Variants in HPSE2 observed in about 807,000 individuals in gnomAD.
The protein encoded by HPSE2 is heparanase 2 (inactive).
A neutral mutation model predicts 60.5 loss-of-function variants in HPSE2; 38 were observed. The ratio of observed to expected loss-of-function variants is 0.63; its 90% CI spans 0.48 to 0.82. HPSE2 has a LOEUF of 0.82. HPSE2 is among the 40% of genes least tolerant of loss of function. The pLI, the probability that HPSE2 is intolerant of heterozygous loss-of-function variation, is 0.00. For missense variants in HPSE2, 713 were observed against 740.4 expected, an observed-to-expected ratio of 0.96 and a Z score of 0.43; for synonymous variants, 295 against 293.2, an observed-to-expected ratio of 1.01 and a Z score of -0.06.
intron 3 of HPSE2, among the ~76,000 whole-genome samples, chr10:98,800,474 A>G (rs1240234235): frequency 6.8e-6 from 1 of 147,850 alleles, no homozygotes; most frequent in Non-Finnish European, 1.5e-5. Flanking sequence ...TTTTATATAA[A>G]ATGTATATTT....
chr10:98,857,321 C>T (rs539473059), intron 3 of HPSE2, among the ~76,000 whole-genome samples: 74 of 152,156 alleles, frequency 4.9e-4, no homozygotes, highest in Non-Finnish European at 7.5e-4. Flanking sequence ...CAGACCTATA[C>T]GTAATAAAAG....
intron 3 of HPSE2, among the ~76,000 whole-genome samples, chr10:98,915,924 A>G (rs1184500480): frequency 6.6e-6 from 1 of 152,140 alleles, no homozygotes; most frequent in Non-Finnish European, 1.5e-5. Context: ...GTGTACAAAG[A>G]AAGGATAGAA....
intron 3 of HPSE2, among the ~76,000 whole-genome samples, chr10:98,890,706 T>C (rs966170902): frequency 8.5e-5 from 13 of 152,234 alleles, no homozygotes; most frequent in African/African-American, 2.6e-4. Flanking sequence ...TAATAACTGC[T>C]AGTTTTAACT....
At chr10:99,077,100 T>C (rs1245783958) in intron 3 of HPSE2, among the ~76,000 whole-genome samples, 1 of 152,218 alleles carries the variant, frequency 6.6e-6, no homozygotes, top group Non-Finnish European at 1.5e-5. Context: ...TTTTCTTGTA[T>C]ATGACAAATT....
intron 3 of HPSE2, among the ~76,000 whole-genome samples, chr10:99,031,081 C>A (rs1441240401): frequency 6.6e-6 from 1 of 152,090 alleles, no homozygotes; most frequent in Non-Finnish European, 1.5e-5. Flanking sequence ...TGTGATAGCA[C>A]AACAGGTTTC....
chr10:99,013,023 A>C (rs1001895622), intron 3 of HPSE2: 14 of 413,312 alleles, frequency 3.4e-5, no homozygotes, highest in Non-Finnish European at 5.9e-5. Context: ...ATATATCTAA[A>C]TCTTTAATTG....
intron 2 of HPSE2, among the ~76,000 whole-genome samples, chr10:99,169,031 A>C (rs1051280569): frequency 2.0e-5 from 3 of 151,586 alleles, no homozygotes; most frequent in Admixed American, 1.3e-4. Flanking sequence ...CTCAACTAAA[A>C]AAATACAAAA....
Position 98,482,618 on chromosome 10 carries a change from T to C in HPSE2, c.1613+18A>G. The C allele has an allele frequency of 6.2e-7, 1 of 1,614,102 alleles. No individual in the cohort carries two copies. The highest frequency in any genetic ancestry group is 8.5e-7 in the Non-Finnish European group (1 of 1,180,008). On this transcript the variant is annotated intron_variant, in intron 11 of 11. Coordinates refer to ENST00000370552, the MANE Select transcript of HPSE2 (RefSeq NM_021828.5). Reference sequence around the variant, plus strand: ...CCTGCTGCACTTGCTCCCGAGCTATTTTCAGGTTGGCACGTACTTGGACTT... The same window carrying C: ...CCTGCTGCACTTGCTCCCGAGCTATCTTCAGGTTGGCACGTACTTGGACTT...
Position 98,700,187 on chromosome 10 carries a change from T to G in HPSE2, c.957-6240A>C, listed in dbSNP as rs1226864317. ...CCAAAAAAGAGCCTGCATCACCAAG[T>G]CAATCCTAAGCCAAAAGAATAAAGC... On this transcript the variant is annotated intron_variant, in intron 5 of 11. Transcript: ENST00000370552. Among the ~76,000 whole-genome samples, 1,108 of 151,892 alleles carry G rather than the reference T, an allele frequency of 7.3e-3. 7 individuals carry two copies. Among genetic ancestry groups the G allele is most frequent in the South Asian group, 0.027 (128 of 4,768 alleles).
At chr10:99,034,283 T>C (rs1480167390) in intron 3 of HPSE2, among the ~76,000 whole-genome samples, 2 of 152,304 alleles carry the variant, frequency 1.3e-5, no homozygotes, top group Admixed American at 6.5e-5. Flanking sequence ...ATTCCATTTA[T>C]ATGACGTTGG....
At chr10:99,199,229 T>A (rs1458204189) in intron 2 of HPSE2, among the ~76,000 whole-genome samples, 2 of 152,154 alleles carry the variant, frequency 1.3e-5, no homozygotes, top group Non-Finnish European at 2.9e-5. Flanking sequence ...GTATCTTAAT[T>A]TTTTAAGGAA....
At chr10:99,150,975 A>C (rs1189132495) in intron 2 of HPSE2, among the ~76,000 whole-genome samples, 2 of 152,224 alleles carry the variant, frequency 1.3e-5, no homozygotes, top group Non-Finnish European at 2.9e-5. Flanking sequence ...TAAGCTATGC[A>C]GACTCAGAGG....
intron 3 of HPSE2, among the ~76,000 whole-genome samples, chr10:98,777,606 T>C (rs1006073970): frequency 2.0e-5 from 3 of 152,180 alleles, no homozygotes; most frequent in African/African-American, 4.8e-5. Context: ...TTCTCTTCTA[T>C]TAGCATTATT....
chr10:99,229,173 GAA>G (rs200136057), intron 2 of HPSE2, among the ~76,000 whole-genome samples: 4 of 137,246 alleles, frequency 2.9e-5, no homozygotes, highest in East Asian at 2.1e-4. Flanking sequence ...ACTCCATATC[GAA>G]AAAAAAAAAA....
chr10:99,200,522 C>T (rs1307722973), intron 2 of HPSE2, among the ~76,000 whole-genome samples: 1 of 152,096 alleles, frequency 6.6e-6, no homozygotes, highest in African/African-American at 2.4e-5. Flanking sequence ...AGTTATTTAA[C>T]ATTTTCAGCT....
At chr10:98,707,972 G>A (rs1406844680) in intron 5 of HPSE2, among the ~76,000 whole-genome samples, 1 of 151,916 alleles carries the variant, frequency 6.6e-6, no homozygotes, top group Admixed American at 6.6e-5. Context: ...GAGATCTATG[G>A]AATAAAATTT....
At chr10:99,110,594 A>T (rs895292691) in intron 3 of HPSE2, among the ~76,000 whole-genome samples, 6 of 152,306 alleles carry the variant, frequency 3.9e-5, no homozygotes, top group African/African-American at 1.2e-4. Context: ...TGGCCATTAA[A>T]AATAATGATT....
intron 10 of HPSE2, 55 bp downstream of exon 10, chr10:98,489,996 G>A: frequency 1.2e-6 from 2 of 1,605,558 alleles, no homozygotes; most frequent in South Asian, 2.2e-5. Context: ...GGTCCCAAAT[G>A]GTATGGGGTG....
At chr10:98,661,072 G>C (rs1480928433) in intron 6 of HPSE2, among the ~76,000 whole-genome samples, 1 of 152,276 alleles carries the variant, frequency 6.6e-6, no homozygotes, top group Non-Finnish European at 1.5e-5. Context: ...CTTCCTCCCA[G>C]GGTGTATGAG....
Sources: gnomAD v4.1 joint callset for allele counts (sites outside exome capture counted in the v4.1 genomes callset) on GRCh38, gnomAD v4.1.1 for gene constraint, MANE v1.5 for transcripts, NCBI Gene and HGNC (gene_info 2026-07-23, HGNC 2026-07-21) for gene names.